SCUBE1: variants seen among roughly 807,000 people sequenced by gnomAD.
The protein encoded by SCUBE1 is signal peptide, CUB and EGF-like domain-containing protein 1.
Under a neutral mutation model 124.4 loss-of-function variants are expected in SCUBE1, and 59 were observed. That is an observed-to-expected ratio of 0.47 (90% confidence interval 0.38 to 0.59). The LOEUF is 0.59. SCUBE1 is among the 20% of genes least tolerant of loss of function. The pLI is 0.00. For missense variants in SCUBE1, 1,150 were observed against 1,371.2 expected (o/e 0.84, Z 2.55); for synonymous variants, 545 against 550.9 (o/e 0.99, Z 0.15).
chr22:43,217,614 C>G (rs533242185), intron 15 of SCUBE1, among the ~76,000 whole-genome samples: 1 of 152,324 alleles, frequency 6.6e-6, no homozygotes, highest in East Asian at 1.9e-4. Flanking sequence ...GTCTGCCAGG[C>G]CCCATCACCT....
At chr22:43,339,807 C>CA (rs1481192872) in intron 1 of SCUBE1, among the ~76,000 whole-genome samples, 12 of 28,994 alleles carry the variant, frequency 4.1e-4, no homozygotes, top group African/African-American at 8.2e-4. Context: ...AACCCTCCCC[C>CA]ACTCTCCTCA....
At chr22:43,291,639 T>C (rs995150145) in intron 3 of SCUBE1, among the ~76,000 whole-genome samples, 6 of 152,146 alleles carry the variant, frequency 3.9e-5, no homozygotes, top group African/African-American at 1.2e-4. Flanking sequence ...TGGGCCTCCA[T>C]CGTGCTGTGC....
intron 21 of SCUBE1, among the ~76,000 whole-genome samples, chr22:43,205,136 C>T (rs938716181): frequency 2.6e-5 from 4 of 152,156 alleles, no homozygotes; most frequent in African/African-American, 9.7e-5. Context: ...GACTTTCATT[C>T]TTCCCTGCAC....
chr22:43,302,036 T>A (rs1925792159), intron 3 of SCUBE1, among the ~76,000 whole-genome samples: 1 of 152,244 alleles, frequency 6.6e-6, no homozygotes, highest in Admixed American at 6.5e-5. Flanking sequence ...ATGTGCTGGC[T>A]ACCAGTGGGC....
rs1569494791 is a variant in SCUBE1, at chr22:43,208,100, G to A, written c.2706C>T (p.Gly902=). The A allele has an allele frequency of 6.2e-7, 1 of 1,614,142 alleles. No homozygotes were observed. The highest frequency in any genetic ancestry group is 8.5e-7 in the Non-Finnish European group (1 of 1,180,030). ...CGTAGGTGACATAGGGCACTTGGAAGCCTTTGCCGCTGTTGCCTTCATTGG... is the reference window on the plus strand; with the variant it reads ...CGTAGGTGACATAGGGCACTTGGAAACCTTTGCCGCTGTTGCCTTCATTGG... ...FKSNEGNSGK[G]FQVPYVTYDE... is the part of the protein sequence containing the mutation. Residue 902 remains glycine, a synonymous_variant, in exon 20 of 22, where the codon GGC becomes GGT. Transcript: ENST00000360835.
chr22:43,255,553 C>A lies in SCUBE1; in HGVS notation c.727+2666G>T. ...TACTGACGTGGCATTGAACTGAGAGCGCTCAATTGCAGCCTCATCCTTCTC... is the reference window on the plus strand; with the variant it reads ...TACTGACGTGGCATTGAACTGAGAGAGCTCAATTGCAGCCTCATCCTTCTC... On this transcript the variant is annotated intron_variant, in intron 6 of 21. Transcript: ENST00000360835. The surrounding 1 kb of genome is among the most constrained non-coding windows in gnomAD (Gnocchi z 4.7). 6.4e-7 allele frequency: 1 copy of A among 1,550,588 alleles called. No individual in the cohort carries two copies. Among genetic ancestry groups the A allele is most frequent in the Non-Finnish European group, 8.7e-7 (1 of 1,146,988 alleles).
chr22:43,321,651 G>A (rs1233968898), intron 2 of SCUBE1, among the ~76,000 whole-genome samples: 1 of 152,244 alleles, frequency 6.6e-6, no homozygotes, highest in Non-Finnish European at 1.5e-5. Flanking sequence ...CCTGGGCTGG[G>A]TCACCAAAGG....
rs1446661803 is a variant in SCUBE1 at position 43,304,994 on chromosome 22, G to A, written c.350-13814C>T. Among the ~76,000 whole-genome samples, 4 of 152,148 alleles carry A rather than the reference G, an allele frequency of 2.6e-5. 1 individual carries two copies. Among genetic ancestry groups the A allele is most frequent in the South Asian group, 4.1e-4 (2 of 4,824 alleles). ...CCCTCACCTGCAGATATGGGCACCC[G>A]GGGCATGTCCTGACAGAAGAGCATT... On this transcript the variant is annotated intron_variant, in intron 3 of 21. Transcript: ENST00000360835.
intron 3 of SCUBE1, among the ~76,000 whole-genome samples, chr22:43,315,919 A>G (rs1212865596): frequency 6.6e-6 from 1 of 152,242 alleles, no homozygotes; most frequent in Non-Finnish European, 1.5e-5. Flanking sequence ...GTAGCCAAGA[A>G]CAGGGTATTT....
chr22:43,252,185 G>A (rs1047087607), intron 6 of SCUBE1, among the ~76,000 whole-genome samples: 3 of 152,218 alleles, frequency 2.0e-5, no homozygotes, highest in Admixed American at 6.5e-5. Context: ...GGGTGCAGCC[G>A]AGAACCCAGT....
At chr22:43,296,939 C>T (rs889628433) in intron 3 of SCUBE1, among the ~76,000 whole-genome samples, 12 of 152,294 alleles carry the variant, frequency 7.9e-5, no homozygotes, top group South Asian at 4.1e-4. Context: ...GGCTGCTCCC[C>T]GTGAGCTGTG....
Position 43,220,594 on chromosome 22 carries a change from G to T in SCUBE1, c.1550-7C>A. The T allele has an allele frequency of 6.2e-7, 1 of 1,613,004 alleles. No individual in the cohort carries two copies. Among genetic ancestry groups the T allele is most frequent in the Non-Finnish European group, 8.5e-7 (1 of 1,179,532 alleles). On this transcript the variant is annotated splice_region_variant and splice_polypyrimidine_tract_variant and intron_variant, in intron 13 of 21. Transcript: ENST00000360835. ...AAAGTCACATGGCAGTGGTCTGGACGAGGAAAGGACCACTGTGGCAAAGGC... is the reference window on the plus strand; with the variant it reads ...AAAGTCACATGGCAGTGGTCTGGACTAGGAAAGGACCACTGTGGCAAAGGC...
chr22:43,317,940 TG>T (rs1414292935), intron 3 of SCUBE1, among the ~76,000 whole-genome samples: 1 of 152,144 alleles, frequency 6.6e-6, no homozygotes, highest in African/African-American at 2.4e-5. Context: ...TGAGACAATG[TG>T]AAGACAGAGG....
intron 13 of SCUBE1, among the ~76,000 whole-genome samples, chr22:43,220,790 C>G (rs568580441): frequency 6.6e-6 from 1 of 152,188 alleles, no homozygotes; most frequent in African/African-American, 2.4e-5. Context: ...CGGTCCATCA[C>G]GCTGCTGCAG....
chr22:43,293,819 A>G (rs1272113310), intron 3 of SCUBE1, among the ~76,000 whole-genome samples: 1 of 152,216 alleles, frequency 6.6e-6, no homozygotes, highest in African/African-American at 2.4e-5. Flanking sequence ...CCAAACAGAC[A>G]CAGACTCTCA....
At chr22:43,329,852 G>A (rs1272799882) in intron 2 of SCUBE1, among the ~76,000 whole-genome samples, 2 of 152,190 alleles carry the variant, frequency 1.3e-5, no homozygotes, top group African/African-American at 2.4e-5. Context: ...CAAGTCCACG[G>A]TTTATTTTCT....
intron 2 of SCUBE1, among the ~76,000 whole-genome samples, chr22:43,332,924 C>T (rs1926949238): frequency 1.3e-5 from 2 of 152,184 alleles, no homozygotes; most frequent in African/African-American, 4.8e-5. Flanking sequence ...GAGATGGCTT[C>T]CTGGAGGAGG....
chr22:43,289,904 G>A (rs917149226), intron 4 of SCUBE1, among the ~76,000 whole-genome samples: 44 of 152,168 alleles, frequency 2.9e-4, no homozygotes, highest in African/African-American at 1.0e-3. Flanking sequence ...TGAGCCTTCT[G>A]CAGGTGCTGT....
chr22:43,216,609 A>G (rs1490741778), intron 15 of SCUBE1, among the ~76,000 whole-genome samples: 1 of 151,924 alleles, frequency 6.6e-6, no homozygotes, highest in East Asian at 2.0e-4. Context: ...CTGAGATTAC[A>G]CCATTGCACT....
Sources: allele counts gnomAD v4.1 joint callset (sites outside exome capture counted in the v4.1 genomes callset), GRCh38; gene constraint gnomAD v4.1.1; non-coding constraint Gnocchi (gnomAD v3.1); transcripts MANE v1.5; gene names NCBI Gene and HGNC (gene_info 2026-07-23, HGNC 2026-07-21).